HCRTR2: variants seen among roughly 807,000 people sequenced by gnomAD.
The protein encoded by HCRTR2 is orexin receptor type 2.
A neutral mutation model predicts 49.0 loss-of-function variants in HCRTR2; 22 were observed. The observed-to-expected ratio is 0.45, with a 90% confidence interval of 0.32 to 0.64. The LOEUF (loss-of-function observed/expected upper bound fraction) is 0.64, where lower values mean the gene tolerates loss of function less well. HCRTR2 is among the 30% of genes least tolerant of loss of function. The pLI is 0.04. For synonymous variants in HCRTR2, 236 were observed against 205.3 expected (o/e 1.15, Z -1.28); for missense variants, 491 against 559.4 (o/e 0.88, Z 1.23).
intron 1 of HCRTR2, among the ~76,000 whole-genome samples, chr6:55,176,066 A>T (rs1214745908): frequency 6.6e-6 from 1 of 152,194 alleles, no homozygotes; most frequent in African/African-American, 2.4e-5. Flanking sequence ...CAAGGAAATT[A>T]TCAGGCTTTC....
intron 5 of HCRTR2, among the ~76,000 whole-genome samples, chr6:55,278,303 A>G (rs1767118588): frequency 6.6e-6 from 1 of 152,208 alleles, no homozygotes; most frequent in Non-Finnish European, 1.5e-5. Flanking sequence ...AGCCAACTTT[A>G]TTGGGAATTA....
intron 1 of HCRTR2, among the ~76,000 whole-genome samples, chr6:55,143,676 T>C (rs1484550470): frequency 2.0e-5 from 3 of 152,234 alleles, no homozygotes; most frequent in Admixed American, 2.0e-4. Context: ...ACTTGACTTT[T>C]AGCATCTCAT....
chr6:55,258,372 A>G (rs937082588), intron 3 of HCRTR2, among the ~76,000 whole-genome samples: 1 of 152,158 alleles, frequency 6.6e-6, no homozygotes, highest in Non-Finnish European at 1.5e-5. Context: ...GTTGATACAT[A>G]TCTATCAAAT....
chr6:55,253,289 G>C (rs1278214993), intron 2 of HCRTR2, among the ~76,000 whole-genome samples: 2 of 151,958 alleles, frequency 1.3e-5, no homozygotes, highest in Non-Finnish European at 2.9e-5. Context: ...TGTGCAGCTA[G>C]CTGATCAGAG....
chr6:55,129,007 G>A (rs144345568), intron 1 of HCRTR2, among the ~76,000 whole-genome samples: 42 of 152,122 alleles, frequency 2.8e-4, no homozygotes, highest in Non-Finnish European at 4.0e-4. Flanking sequence ...GCTTCTCCTG[G>A]TTCCCTTCAA....
At chr6:55,195,838 G>A (rs1447431863) in intron 1 of HCRTR2, among the ~76,000 whole-genome samples, 2 of 151,938 alleles carry the variant, frequency 1.3e-5, no homozygotes, top group African/African-American at 4.8e-5. Flanking sequence ...TGTGGTGGTG[G>A]GTGCCTGTAG....
At chr6:55,180,930 G>A (rs1198441329) in intron 1 of HCRTR2, among the ~76,000 whole-genome samples, 1 of 150,978 alleles carries the variant, frequency 6.6e-6, no homozygotes, top group African/African-American at 2.4e-5. Context: ...CTCCCCAGTA[G>A]CTGGGATTAC....
intron 1 of HCRTR2, among the ~76,000 whole-genome samples, chr6:55,227,222 A>T (rs1204561113): frequency 6.6e-6 from 1 of 152,148 alleles, no homozygotes; most frequent in Non-Finnish European, 1.5e-5. Context: ...GTTGATATCC[A>T]CTTATTGACA....
intron 1 of HCRTR2, among the ~76,000 whole-genome samples, chr6:55,132,185 T>C (rs1764367890): frequency 6.6e-6 from 1 of 151,810 alleles, no homozygotes; most frequent in Admixed American, 6.6e-5. Flanking sequence ...ATTAAACACA[T>C]ACATATATAT....
chr6:55,228,978 C>T (rs1581842892), intron 1 of HCRTR2, among the ~76,000 whole-genome samples: 1 of 152,068 alleles, frequency 6.6e-6, no homozygotes, highest in Admixed American at 6.6e-5. Context: ...AGTAGGGTTG[C>T]TTCACTTCCT....
At chr6:55,242,625 G>C (rs1353419019) in intron 1 of HCRTR2, among the ~76,000 whole-genome samples, 1 of 152,106 alleles carries the variant, frequency 6.6e-6, no homozygotes, top group African/African-American at 2.4e-5. Context: ...AAATTTTATA[G>C]TCAATTATTA....
At chr6:55,251,099 C>T (rs543883309) in intron 2 of HCRTR2, among the ~76,000 whole-genome samples, 5 of 152,168 alleles carry the variant, frequency 3.3e-5, no homozygotes, top group African/African-American at 1.2e-4. Flanking sequence ...AGATTTTCTC[C>T]CTAGTTGTGA....
intron 1 of HCRTR2, among the ~76,000 whole-genome samples, chr6:55,108,242 T>C (rs1220644749): frequency 6.6e-6 from 1 of 152,084 alleles, no homozygotes; most frequent in Non-Finnish European, 1.5e-5. Flanking sequence ...AAATGGTGGA[T>C]AGGAGGTAGG....
At chr6:55,154,551 A>G (rs1052914060) in intron 1 of HCRTR2, among the ~76,000 whole-genome samples, 2 of 151,852 alleles carry the variant, frequency 1.3e-5, no homozygotes, top group African/African-American at 4.8e-5. Context: ...CAGAAAAAGC[A>G]TATAACAAAC....
intron 1 of HCRTR2, among the ~76,000 whole-genome samples, chr6:55,190,989 A>G (rs1765305799): frequency 6.6e-6 from 1 of 152,190 alleles, no homozygotes; most frequent in South Asian, 2.1e-4. Flanking sequence ...CAAAAATTCT[A>G]TTGTACCAAT....
chr6:55,107,815 G>A (rs1763995884), intron 1 of HCRTR2, among the ~76,000 whole-genome samples: 1 of 152,006 alleles, frequency 6.6e-6, no homozygotes, highest in African/African-American at 2.4e-5. Context: ...AATTAGATGA[G>A]TGCTTATATC....
intron 1 of HCRTR2, among the ~76,000 whole-genome samples, chr6:55,142,187 C>T (rs1283651139): frequency 3.3e-5 from 5 of 151,770 alleles, no homozygotes; most frequent in Admixed American, 1.3e-4. Flanking sequence ...TTTCAACTGA[C>T]CATTTAAAAA....
chr6:55,171,998 T>C (rs1764957466), upstream of HCRTR2, among the ~76,000 whole-genome samples: 1 of 151,964 alleles, frequency 6.6e-6, no homozygotes, highest in Non-Finnish European at 1.5e-5. Flanking sequence ...CATGGAAGAG[T>C]AAAATGCAGA....
At position 55,241,861 on chromosome 6, in the gene HCRTR2, ATTT is replaced by A. The variant is rs917427627; in HGVS notation, c.224-6757_224-6755del. Among the ~76,000 whole-genome samples the A allele has an allele frequency of 2.2e-3, 199 of 92,514 alleles. 2 individuals are homozygous for A. The highest frequency in any genetic ancestry group is 8.3e-3 in the African/African-American group (190 of 22,964). 60.7% of individuals were successfully genotyped at this position (92,514 alleles called of 152,430 possible). ...GTAGTCTGTCTTACTATGGCAACTA[ATTT>A]TTTTTTTTTTTTTTTTTTTTGTGAG... On this transcript the variant is annotated intron_variant, in intron 1 of 6. Transcript: ENST00000370862.
Sources: allele counts gnomAD v4.1 joint callset (sites outside exome capture counted in the v4.1 genomes callset), GRCh38; gene constraint gnomAD v4.1.1; transcripts MANE v1.5; gene names NCBI Gene and HGNC (gene_info 2026-07-23, HGNC 2026-07-21).